NEFL: variants seen among roughly 807,000 people sequenced by gnomAD.
The protein encoded by NEFL is neurofilament light polypeptide.
A neutral mutation model predicts 51.6 loss-of-function variants in NEFL; 36 were observed. The observed-to-expected ratio is 0.70, with a 90% confidence interval of 0.53 to 0.92. NEFL has a LOEUF of 0.92. Among genes scored for constraint, NEFL ranks in the 40% least tolerant of loss-of-function variants. The probability of loss-of-function intolerance (pLI) is 0.00; values close to 1 mark genes in which losing one functional copy is unlikely to be tolerated. For synonymous variants in NEFL, 332 were observed against 302.5 expected (o/e 1.10, Z -1.01); for missense variants, 671 against 722.0 (o/e 0.93, Z 0.81).
Position 24,955,789 on chromosome 8 carries a change from T to A in NEFL, c.727A>T (p.Ile243Phe). 1 of 1,612,928 alleles carries A rather than the reference T, an allele frequency of 6.2e-7. No individual in the cohort carries two copies. The highest frequency in any genetic ancestry group is 1.3e-5 in the African/African-American group (1 of 75,056). Residue 243 changes from isoleucine (I) to phenylalanine (F), a missense_variant, in exon 1 of 4, where the codon ATC (isoleucine) becomes TTC (phenylalanine). Transcript: ENST00000610854. The surrounding 1 kb of genome is among the most constrained non-coding windows in gnomAD (Gnocchi z 4.0). ...ELQAQIQYAQ[I>F]SVEMDVTKPD... ...TTGGTCACGTCCATCTCCACGGAGA[T>A]CTGCGCGTACTGGATCTGCGCCTGC...
rs183931304 is a variant in NEFL, at chr8:24,951,919, A to G, written c.*891T>C. ...AAAATGCAGTTATAGGGATGAATGT[A>G]TGGGATTCATATTCTATCCATATTG... On this transcript the variant is annotated 3_prime_UTR_variant, in exon 4 of 4. Coordinates refer to ENST00000610854, the MANE Select transcript of NEFL (RefSeq NM_006158.5). 1.3e-5 allele frequency: 2 copies of G among 152,560 alleles called. No homozygotes were observed. Among genetic ancestry groups the G allele is most frequent in the East Asian group, 1.9e-4 (1 of 5,180 alleles). 9.5% of individuals were successfully genotyped at this position (152,560 alleles called of 1,614,324 possible).
Position 24,955,661 on chromosome 8 carries a change from G to C in NEFL, c.855C>G (p.Thr285=), listed in dbSNP as rs1065083. ...TCTTGGCGGCGCTCTCGGTCAGCAC[G>C]GTGAAGCGGCTCTTGAACCATTCCT... The part of the protein sequence containing the change: ...NAEEWFKSRF[T]VLTESAAKNT... The change falls in exon 1 of 4, where the codon ACC becomes ACG. Residue 285 remains threonine, a synonymous_variant. Coordinates refer to ENST00000610854, the MANE Select transcript of NEFL (RefSeq NM_006158.5). The surrounding 1 kb of genome is among the most constrained non-coding windows in gnomAD (Gnocchi z 4.0). 1.2e-6 allele frequency: 2 copies of C among 1,613,850 alleles called. No individual in the cohort carries two copies. Among genetic ancestry groups the C allele is most frequent in the Non-Finnish European group, 8.5e-7 (1 of 1,179,856 alleles).
Position 24,955,914 on chromosome 8 carries a change from T to G in NEFL, c.602A>C (p.Glu201Ala), listed in dbSNP as rs1327539186. The G allele has an allele frequency of 6.2e-7, 1 of 1,604,940 alleles. No individual in the cohort carries two copies. Among genetic ancestry groups the G allele is most frequent in the Non-Finnish European group, 8.5e-7 (1 of 1,179,748 alleles). The change falls in exon 1 of 4, where the codon GAG becomes GCG. Residue 201 changes from glutamate (E) to alanine (A), a missense_variant. Glu to Ala is a moderately radical substitution (Grantham distance 107). Transcript: ENST00000610854. The surrounding 1 kb of genome is among the most constrained non-coding windows in gnomAD (Gnocchi z 4.0). ...GAGCTCGGCGCGAGCGAGCGCCGCC[T>G]CGTCGGCGCCTTTGCGCGCTTCCAT... ...RLMEARKGADEAALARAELEK... is the reference protein window; with the variant it reads ...RLMEARKGADAAALARAELEK...
At chr8:24,954,102 T>C in intron 2 of NEFL, 79 bp downstream of exon 2, 1 of 1,580,624 alleles carries the variant, frequency 6.3e-7, no homozygotes, top group East Asian at 2.2e-5. Context: ...TGAAGGTTTC[T>C]GATCCAACAT....
chr8:24,956,071 C>A lies in NEFL; in HGVS notation c.445G>T (p.Ala149Ser). The change falls in exon 1 of 4, where the codon GCG (alanine) becomes TCG (serine). Residue 149 changes from alanine to serine, a missense_variant. By Grantham distance (99) the Ala-to-Ser change is moderately conservative. Coordinates refer to ENST00000610854, the MANE Select transcript of NEFL (RefSeq NM_006158.5). The surrounding 1 kb of genome is among the most constrained non-coding windows in gnomAD (Gnocchi z 5.9). Reference sequence around the variant, plus strand: ...TTCTCGTTGGTGGCATCTTCCGCCGCCAGGCGCAGGTCGCGGATCTCCTGC... The same window carrying A: ...TTCTCGTTGGTGGCATCTTCCGCCGACAGGCGCAGGTCGCGGATCTCCTGC... Reference protein sequence around the residue: ...YEQEIRDLRLAAEDATNEKQA... With the variant: ...YEQEIRDLRLSAEDATNEKQA... The A allele has an allele frequency of 1.2e-6, 2 of 1,604,006 alleles. No homozygotes were observed. Among genetic ancestry groups the A allele is most frequent in the Non-Finnish European group, 1.7e-6 (2 of 1,178,414 alleles).
In NEFL at chr8:24,955,440, C is replaced by T. The variant is rs368166298; in HGVS notation, c.1044+32G>A. On this transcript the variant is annotated intron_variant, in intron 1 of 3. Transcript: ENST00000610854. The surrounding 1 kb of genome is among the most constrained non-coding windows in gnomAD (Gnocchi z 4.0). ...CCAACTCCCCCCCTTGCTCGAGTCC[C>T]CCGCCCCCCTGTGTTTCTGGCCGTG... 8 of 1,355,330 alleles carry T rather than the reference C, an allele frequency of 5.9e-6. No homozygotes were observed. The highest frequency in any genetic ancestry group is 5.2e-5 in the South Asian group (4 of 76,440). The allele number at this position is 1,355,330 out of a possible 1,614,324, so 84.0% of individuals were successfully genotyped here.
In NEFL at chr8:24,956,497, C is replaced by G; in HGVS notation, c.19G>C (p.Glu7Gln). The change falls in exon 1 of 4, where the codon GAG (glutamate) becomes CAG (glutamine). Residue 7 changes from glutamate (E) to glutamine (Q), a missense_variant. Transcript: ENST00000610854. This position sits in a 1 kb window ranked among gnomAD's most constrained non-coding sequence, Gnocchi z 5.9. ...TTGTAGGAGGTCGAGTAGTACGGCTCGTAGCTGAAGGAACTCATGGTGGCG... is the reference window on the plus strand; with the variant it reads ...TTGTAGGAGGTCGAGTAGTACGGCTGGTAGCTGAAGGAACTCATGGTGGCG... MSSFSY[E>Q]PYYSTSYKRR... 1 of 1,598,782 alleles carries G rather than the reference C, an allele frequency of 6.3e-7. No homozygotes were observed. The highest frequency in any genetic ancestry group is 1.1e-5 in the South Asian group (1 of 88,402).
chr8:24,955,461 C>T lies in NEFL; in HGVS notation c.1044+11G>A. The T allele has an allele frequency of 5.3e-6, 8 of 1,500,064 alleles. No homozygotes were observed. Among genetic ancestry groups the T allele is most frequent in the Non-Finnish European group, 5.4e-6 (6 of 1,114,756 alleles). 92.9% of individuals were successfully genotyped at this position (1,500,064 alleles called of 1,614,324 possible). ...GTCCCCCGCCCCCCTGTGTTTCTGG[C>T]CGTGCCGCACCTGCATAGCGCTGAT... On this transcript the variant is annotated intron_variant, in intron 1 of 3. Coordinates refer to ENST00000610854, the MANE Select transcript of NEFL (RefSeq NM_006158.5). This position sits in a 1 kb window ranked among gnomAD's most constrained non-coding sequence, Gnocchi z 4.0.
In NEFL at chr8:24,952,409, T is replaced by A. The variant is rs1174452429; in HGVS notation, c.*401A>T. The A allele has an allele frequency of 5.9e-6, 1 of 168,348 alleles. No homozygotes were observed. The highest frequency in any genetic ancestry group is 1.3e-5 in the Non-Finnish European group (1 of 78,118). The allele number at this position is 168,348 out of a possible 1,614,324, so 10.4% of individuals were successfully genotyped here. ...CGGTATAACTTTATTTACTATTTAT[T>A]GCACATAACTCAGGGTCTTTAATTG... On this transcript the variant is annotated 3_prime_UTR_variant, in exon 4 of 4. Coordinates refer to ENST00000610854, the MANE Select transcript of NEFL (RefSeq NM_006158.5).
At position 24,954,300 on chromosome 8, in the gene NEFL, C is replaced by T. The variant is rs774006640; in HGVS notation, c.1050G>A (p.Thr350=). The T allele has an allele frequency of 2.5e-6, 4 of 1,611,440 alleles. No homozygotes were observed. The highest frequency in any genetic ancestry group is 3.4e-6 in the Non-Finnish European group (4 of 1,179,336). ...QNADISAMQD[T]INKLENELRT... ...TCAATTCATTTTCTAATTTGTTGATCGTGTCCTGTTTGAAGACAAAAATAA... is the reference window on the plus strand; with the variant it reads ...TCAATTCATTTTCTAATTTGTTGATTGTGTCCTGTTTGAAGACAAAAATAA... Residue 350 remains threonine (T), a synonymous_variant, in exon 2 of 4, where the codon ACG becomes ACA. Transcript: ENST00000610854.
Position 24,952,692 on chromosome 8 carries a change from T to C in NEFL, c.*118A>G, listed in dbSNP as rs1329385315. 18 of 1,473,122 alleles carry C rather than the reference T, an allele frequency of 1.2e-5. No individual in the cohort carries two copies. The highest frequency in any genetic ancestry group is 1.5e-5 in the Non-Finnish European group (16 of 1,078,620). 91.3% of individuals were successfully genotyped at this position (1,473,122 alleles called of 1,614,324 possible). A position where few individuals can be genotyped will look rare whatever the true frequency, so the allele number is the denominator to read the frequency against. ...TCCAACCTAAGTCATCTCAGAATTA[T>C]ACATATATTGACTTTTTAATTCACA... On this transcript the variant is annotated 3_prime_UTR_variant, in exon 4 of 4. Transcript: ENST00000610854.
chr8:24,954,265 T>C lies in NEFL; in HGVS notation c.1085A>G (p.Lys362Arg). The stretch of plus-strand genomic sequence containing the variant: ...TTTTAGGTATCGTGCCATTTCACTC[T>C]TTGTGGTCCTCAATTCATTTTCTAA... ...NKLENELRTT[K>R]SEMARYLKEY... Residue 362 changes from lysine to arginine, a missense_variant, in exon 2 of 4, where the codon AAG becomes AGG. Lys to Arg is a conservative substitution (Grantham distance 26). Transcript: ENST00000610854. 1.2e-6 allele frequency: 2 copies of C among 1,613,932 alleles called. No homozygotes were observed. The highest frequency in any genetic ancestry group is 1.7e-6 in the Non-Finnish European group (2 of 1,179,848).
chr8:24,954,204 C>T lies in NEFL; in HGVS notation c.1146G>A (p.Leu382=). Residue 382 remains leucine, a synonymous_variant, in exon 2 of 4, where the codon TTG becomes TTA. Coordinates refer to ENST00000610854, the MANE Select transcript of NEFL (RefSeq NM_006158.5). ...ACCTGTAAGCTGCAATCTCAATATC[C>T]AAAGCCATCTTCACGTTGAGGAGGT... The part of the protein sequence containing the change: ...YQDLLNVKMA[L]DIEIAAYRKL... 4 of 1,613,912 alleles carry T rather than the reference C, an allele frequency of 2.5e-6. No homozygotes were observed. In the South Asian group the frequency reaches 4.4e-5, roughly 18 times the overall value.
intron 1 of NEFL, 125 bp from the exon 2 acceptor site, chr8:24,954,430 C>G (rs1427186165): frequency 1.8e-6 from 2 of 1,096,782 alleles, no homozygotes; most frequent in Non-Finnish European, 2.5e-6. Context: ...TTGATAAAAT[C>G]TCTCCTAGAA....
chr8:24,956,566 G>A lies in NEFL; in HGVS notation c.-51C>T. 6 of 1,511,086 alleles carry A rather than the reference G, an allele frequency of 4.0e-6. No homozygotes were observed. The highest frequency in any genetic ancestry group is 4.8e-5 in the East Asian group (2 of 41,304). The allele number at this position is 1,511,086 out of a possible 1,614,324, so 93.6% of individuals were successfully genotyped here. ...CGCGGCGGCGGTGGGAGCCCGGAGA[G>A]AGAGGACAGGGGAGAGAGGGAAGGG... On this transcript the variant is annotated 5_prime_UTR_variant, in exon 1 of 4. Transcript: ENST00000610854. This position sits in a 1 kb window ranked among gnomAD's most constrained non-coding sequence, Gnocchi z 5.9.
rs372034119 is a variant in NEFL at position 24,953,592 on chromosome 8, A to T, written c.1373T>A (p.Ile458Asn). The T allele has an allele frequency of 6.2e-7, 1 of 1,613,788 alleles. No homozygotes were observed. Among genetic ancestry groups the T allele is most frequent in the Non-Finnish European group, 8.5e-7 (1 of 1,179,884 alleles). Residue 458 changes from isoleucine (I) to asparagine (N), a missense_variant, in exon 3 of 4, where the codon ATT (isoleucine) becomes AAT (asparagine). Ile to Asn is a moderately radical substitution (Grantham distance 149). Coordinates refer to ENST00000610854, the MANE Select transcript of NEFL (RefSeq NM_006158.5). ...GGCTTCCTCAGCCTTGGCAGCCTCA[A>T]TGGTTTCCTCCACTTCGATCTGCTC... ...QEEQIEVEET[I>N]EAAKAEEAKD...
rs1350406665 is a variant in NEFL at position 24,955,589 on chromosome 8, A to G, written c.927T>C (p.Arg309=). The part of the protein sequence containing the change: ...RAAKDEVSES[R]RLLKAKTLEI... ...CCAGGGTCTTGGCCTTGAGCAGACG[A>G]CGGCTCTCGGACACCTCGTCCTTGG... Residue 309 remains arginine, a synonymous_variant, in exon 1 of 4, where the codon CGT becomes CGC. Transcript: ENST00000610854. The surrounding 1 kb of genome is among the most constrained non-coding windows in gnomAD (Gnocchi z 4.0). 6.2e-7 allele frequency: 1 copy of G among 1,613,458 alleles called. No homozygotes were observed. Among genetic ancestry groups the G allele is most frequent in the Non-Finnish European group, 8.5e-7 (1 of 1,179,808 alleles).
Position 24,952,780 on chromosome 8 carries a change from T to A in NEFL, c.*30A>T. 1 of 1,613,890 alleles carries A rather than the reference T, an allele frequency of 6.2e-7. No individual in the cohort carries two copies. On this transcript the variant is annotated 3_prime_UTR_variant, in exon 4 of 4. Transcript: ENST00000610854. ...GGGGTTGACCTGATTTCGGGAGAAT[T>A]ATTCCTGAAATAATTAAGGAAATGG...
intron 2 of NEFL, 76 bp from the exon 3 acceptor site, chr8:24,953,871 G>C: frequency 1.3e-6 from 2 of 1,482,066 alleles, no homozygotes; most frequent in Admixed American, 5.0e-5. Flanking sequence ...TAAACACAAA[G>C]GCAAGCAGGA....
Sources: gnomAD v4.1 joint callset for allele counts on GRCh38, gnomAD v4.1.1 for gene constraint, Gnocchi (gnomAD v3.1) non-coding constraint, MANE v1.5 for transcripts, NCBI Gene and HGNC (gene_info 2026-07-23, HGNC 2026-07-21) for gene names.